LRRC9: variants seen among roughly 807,000 people sequenced by gnomAD.
The protein encoded by LRRC9 is leucine-rich repeat-containing protein 9.
A neutral mutation model predicts 63.2 loss-of-function variants in LRRC9; 122 were observed. That is an observed-to-expected ratio of 1.93 (90% CI 1.67 to 2.24). LRRC9 has a LOEUF of 2.24. LRRC9 is among the 30% of genes most tolerant of loss of function. The pLI, the probability that LRRC9 is intolerant of heterozygous loss-of-function variation, is 0.00. For synonymous variants in LRRC9, 366 were observed against 213.1 expected (o/e 1.72, Z -6.25); for missense variants, 1,071 against 627.7 (o/e 1.71, Z -7.55).
chr14:59,980,697 T>C (rs1268895040), intron 15 of LRRC9, among the ~76,000 whole-genome samples: 2 of 152,250 alleles, frequency 1.3e-5, no homozygotes, highest in African/African-American at 4.8e-5. Context: ...CCAACATTTC[T>C]TGTTTAGTTC....
intron 29 of LRRC9, among the ~76,000 whole-genome samples, chr14:60,035,114 T>C (rs1350475981): frequency 6.6e-6 from 1 of 152,174 alleles, no homozygotes; most frequent in Admixed American, 6.5e-5. Flanking sequence ...TTTTTTTTTT[T>C]TTGTAAACCT....
intron 13 of LRRC9, among the ~76,000 whole-genome samples, chr14:59,976,082 C>T (rs1038146967): frequency 5.9e-5 from 9 of 152,206 alleles, no homozygotes; most frequent in African/African-American, 9.6e-5. Flanking sequence ...CTGGGTTGTG[C>T]GCTCCTTATG....
chr14:59,927,857 C>T lies in LRRC9; in HGVS notation c.-33-54C>T, dbSNP rs1185845441. ...TCAGTAGCTTTAAGGTCTATTTCAA[C>T]TTGGAATGACAATGACTTTAATATT... is the stretch of plus-strand genomic sequence containing the variant. On this transcript the variant is annotated intron_variant, in intron 1 of 31. Transcript: ENST00000445360. This position sits in a 1 kb window ranked among gnomAD's most constrained non-coding sequence, Gnocchi z 4.4. 2 of 581,396 alleles carry T rather than the reference C, an allele frequency of 3.4e-6. No individual in the cohort carries two copies. Among genetic ancestry groups the T allele is most frequent in the South Asian group, 4.5e-5 (2 of 44,722 alleles). The allele number at this position is 581,396 out of a possible 1,614,324, so 36.0% of individuals were successfully genotyped here.
At position 59,966,140 on chromosome 14, in the gene LRRC9, T is replaced by C. The variant is rs1884836161; in HGVS notation, c.1212-449T>C. Among the ~76,000 whole-genome samples, 1 of 151,840 alleles carries C rather than the reference T, an allele frequency of 6.6e-6. No individual in the cohort carries two copies. Among genetic ancestry groups the C allele is most frequent in the South Asian group, 2.1e-4 (1 of 4,826 alleles). ...TCTGGGTATAACCAGCTAAGTTGAG[T>C]AGAGATCAAGACTAGAAATAAAATG... On this transcript the variant is annotated intron_variant, in intron 10 of 31. Coordinates refer to ENST00000445360, the Ensembl canonical transcript of LRRC9. The surrounding 1 kb of genome is among the most constrained non-coding windows in gnomAD (Gnocchi z 4.0).
intron 21 of LRRC9, among the ~76,000 whole-genome samples, chr14:60,005,198 T>C (rs1474461849): frequency 6.6e-6 from 1 of 152,048 alleles, no homozygotes; most frequent in Non-Finnish European, 1.5e-5. Context: ...TCTAAAACTT[T>C]CTTGATCATG....
At position 60,016,761 on chromosome 14, in the gene LRRC9, A is replaced by G. The variant is rs547081604; in HGVS notation, c.3288A>G (p.Gln1096=). 1.6e-4 allele frequency: 111 copies of G among 698,708 alleles called. 1 individual carries two copies. The South Asian group carries it at 1.6e-3, about 10-fold the overall frequency. The allele number at this position is 698,708 out of a possible 1,614,324, so 43.3% of individuals were successfully genotyped here. A position where few individuals can be genotyped will look rare whatever the true frequency, so the allele number is the denominator to read the frequency against. Reference sequence around the variant, plus strand: ...GACATTCCAACTTCAAACAAATGCAAGAACTAAATTGGACTTCATCATCTA... The same window carrying G: ...GACATTCCAACTTCAAACAAATGCAGGAACTAAATTGGACTTCATCATCTA... The change falls in exon 24 of 32, where the codon CAA becomes CAG. Residue 1096 remains glutamine (Q), a synonymous_variant. Coordinates refer to ENST00000445360, the Ensembl canonical transcript of LRRC9.
At chr14:60,037,834 C>T (rs1176613849) in intron 29 of LRRC9, among the ~76,000 whole-genome samples, 1 of 152,264 alleles carries the variant, frequency 6.6e-6, no homozygotes, top group South Asian at 2.1e-4. Context: ...GTCATGAAGT[C>T]CTTGTCCATG....
At chr14:59,924,931 T>C (rs1889084186) in intron 1 of LRRC9, among the ~76,000 whole-genome samples, 1 of 151,876 alleles carries the variant, frequency 6.6e-6, no homozygotes, top group Non-Finnish European at 1.5e-5. Context: ...CTGTTTCCTT[T>C]GCCTGTATGC....
At position 59,947,950 on chromosome 14, in the gene LRRC9, C is replaced by A. The variant is rs925823981; in HGVS notation, c.882+3206C>A. On this transcript the variant is annotated intron_variant, in intron 8 of 31. Coordinates refer to ENST00000445360, the Ensembl canonical transcript of LRRC9. The stretch of plus-strand genomic sequence containing the variant: ...TTGAAGTCAGGTAGTGTGATGCCTC[C>A]AGCTTTGTTCTTTTGGCTTCAGATT... Among the ~76,000 whole-genome samples, 13 of 152,058 alleles carry A rather than the reference C, an allele frequency of 8.5e-5. No homozygotes were observed. The East Asian group carries it at 1.5e-3, about 18-fold the overall frequency.
chr14:59,987,163 T>G (rs1289459061), intron 17 of LRRC9, among the ~76,000 whole-genome samples: 1 of 152,118 alleles, frequency 6.6e-6, no homozygotes, highest in Non-Finnish European at 1.5e-5. Flanking sequence ...ATGTGCCCCA[T>G]GCCTTCCTCT....
Position 60,003,736 on chromosome 14 carries a change from T to C in LRRC9, c.2780T>C (p.Leu927Pro), listed in dbSNP as rs1411539221. ...AATAATCTCACTAAAATGGAGGGTC[T>C]GGAATCCTGTATTAACTTGGAAGAG... The change falls in exon 21 of 32, where the codon CTG becomes CCG. Residue 927 changes from leucine to proline, a missense_variant. Leu to Pro is a moderately conservative substitution (Grantham distance 98, BLOSUM62 -3). Transcript: ENST00000445360. The surrounding 1 kb of genome is among the most constrained non-coding windows in gnomAD (Gnocchi z 4.2). 2.9e-6 allele frequency: 2 copies of C among 692,096 alleles called. No individual in the cohort carries two copies. The highest frequency in any genetic ancestry group is 5.2e-6 in the Non-Finnish European group (2 of 381,424). 42.9% of individuals were successfully genotyped at this position (692,096 alleles called of 1,614,324 possible). A position where few individuals can be genotyped will look rare whatever the true frequency, so the allele number is the denominator to read the frequency against.
Position 59,936,620 on chromosome 14 carries a change from A to C in LRRC9, c.544-1770A>C, listed in dbSNP as rs936451159. ...ATGGTCAAATGAAACATAGCAACCC[A>C]GTAATCAAGTGGTTTACCTTCTTGC... On this transcript the variant is annotated intron_variant, in intron 6 of 31. Coordinates refer to ENST00000445360, the Ensembl canonical transcript of LRRC9. This position sits in a 1 kb window ranked among gnomAD's most constrained non-coding sequence, Gnocchi z 4.2. 1.3e-5 allele frequency among the ~76,000 whole-genome samples: 2 copies of C among 152,210 alleles called. No individual in the cohort carries two copies. The highest frequency in any genetic ancestry group is 2.4e-5 in the African/African-American group (1 of 41,446).
At position 60,053,383 on chromosome 14, in the gene LRRC9, TCACA is replaced by T. The variant is rs140525122; in HGVS notation, c.4131+213_4131+216del. Reference sequence around the variant, plus strand: ...GATTTGGTGAATAGAGCATGCGTGCTCACACACACACACACACACACACACACAC... The same window carrying T: ...GATTTGGTGAATAGAGCATGCGTGCTCACACACACACACACACACACACAC... On this transcript the variant is annotated intron_variant, in intron 30 of 31. Transcript: ENST00000445360. The surrounding 1 kb of genome is among the most constrained non-coding windows in gnomAD (Gnocchi z 4.8). Among the ~76,000 whole-genome samples the T allele has an allele frequency of 0.036, 3,115 of 85,700 alleles. 54 individuals carry two copies. The highest frequency in any genetic ancestry group is 0.071 in the South Asian group (215 of 3,026). The allele number at this position is 85,700 out of a possible 152,430, so 56.2% of individuals were successfully genotyped here.
At chr14:59,978,083 A>G (rs1237984459) in exon 15 of LRRC9, 2 of 702,356 alleles carry the variant, frequency 2.8e-6, no homozygotes, top group Non-Finnish European at 5.2e-6. Flanking sequence ...GTCTTTGATC[A>G]TGACCTTGTT....
chr14:59,970,913 G>A (rs1389046704), intron 12 of LRRC9, among the ~76,000 whole-genome samples: 1 of 152,030 alleles, frequency 6.6e-6, no homozygotes, highest in African/African-American at 2.4e-5. Flanking sequence ...CTATTCAGAA[G>A]CTCTTAAATT....
rs573865799 is a variant in LRRC9, at chr14:60,006,570, A to G, written c.3016A>G (p.Ile1006Val). The change falls in exon 22 of 32, where the codon ATA becomes GTA. Residue 1006 changes from isoleucine (I) to valine (V), a missense_variant. By Grantham distance (29) the Ile-to-Val change is conservative. Transcript: ENST00000445360. ...ATCTTTTACTCTTGTTGAGTTATAC[A>G]TAAGCAATAACTATATTGCTGTCAA... 100 of 701,112 alleles carry G rather than the reference A, an allele frequency of 1.4e-4. No individual in the cohort carries two copies. In the African/African-American group the frequency reaches 1.7e-3, roughly 12 times the overall value. The allele number at this position is 701,112 out of a possible 1,614,324, so 43.4% of individuals were successfully genotyped here. A position where few individuals can be genotyped will look rare whatever the true frequency, so the allele number is the denominator to read the frequency against.
intron 29 of LRRC9, among the ~76,000 whole-genome samples, chr14:60,045,079 G>A (rs1327924057): frequency 4.0e-5 from 4 of 99,542 alleles, no homozygotes; most frequent in South Asian, 6.2e-4. Context: ...GAAGGTCTTT[G>A]ATTTGTAGAC....
At chr14:59,944,149 C>T (rs925219649) in intron 7 of LRRC9, among the ~76,000 whole-genome samples, 1 of 151,774 alleles carries the variant, frequency 6.6e-6, no homozygotes, top group Non-Finnish European at 1.5e-5. Context: ...AAATTATATT[C>T]CTTAGCCATG....
At chr14:59,939,327 T>C (rs747231323) in intron 7 of LRRC9, among the ~76,000 whole-genome samples, 13 of 151,534 alleles carry the variant, frequency 8.6e-5, no homozygotes, top group African/African-American at 3.2e-4. Flanking sequence ...AAGACAGGAG[T>C]GGTAGAGGCC....
Sources: allele counts gnomAD v4.1 joint callset (sites outside exome capture counted in the v4.1 genomes callset), GRCh38; gene constraint gnomAD v4.1.1; non-coding constraint Gnocchi (gnomAD v3.1); transcripts MANE v1.5; gene names NCBI Gene and HGNC (gene_info 2026-07-23, HGNC 2026-07-21).